The following CDC14A variants were observed in gnomAD, a reference collection of about 807,000 sequenced individuals.
The protein encoded by CDC14A is dual specificity protein phosphatase CDC14A.
In CDC14A, 53 loss-of-function variants were observed where a neutral mutation model predicts 74.4. The observed-to-expected ratio is 0.71, with a 90% confidence interval of 0.57 to 0.89. The LOEUF is 0.89. Ranked by LOEUF, CDC14A falls within the 40% of genes least tolerant of loss-of-function variation. CDC14A has a pLI of 0.00. For synonymous variants in CDC14A, 247 were observed against 258.4 expected (o/e 0.96, Z 0.43); for missense variants, 646 against 713.7 (o/e 0.91, Z 1.08).
At position 100,352,848 on chromosome 1, in the gene CDC14A, G is replaced by T. The variant is rs1442419604; in HGVS notation, c.-107G>T. ...GCTGCCTCCCTCGGCCAGGCTTGTT[G>T]TTCGGGACTGTGAGCTTCCTGGCTC... On this transcript the variant is annotated 5_prime_UTR_variant, in exon 1 of 16. Transcript: ENST00000336454. 1 of 1,578,358 alleles carries T rather than the reference G, an allele frequency of 6.3e-7. No homozygotes were observed. The highest frequency in any genetic ancestry group is 1.4e-5 in the African/African-American group (1 of 73,432).
chr1:100,484,485 A>T (rs1250046657), intron 11 of CDC14A, 34 bp downstream of exon 11: 1 of 1,568,036 alleles, frequency 6.4e-7, no homozygotes, highest in Admixed American at 1.9e-5. Context: ...ATCTTCTTAA[A>T]ACTGATGTTC....
intron 15 of CDC14A, among the ~76,000 whole-genome samples, chr1:100,516,541 A>G (rs111985156): frequency 1.1e-3 from 164 of 152,298 alleles, no homozygotes; most frequent in African/African-American, 3.7e-3. Context: ...TCAAGAAAGC[A>G]CTAGCTGAGC....
chr1:100,495,958 G>A (rs566049617), intron 12 of CDC14A, 44 bp from the exon 13 acceptor site: 27 of 1,553,388 alleles, frequency 1.7e-5, no homozygotes, highest in South Asian at 2.2e-5. Flanking sequence ...TTGTGAAAAC[G>A]TGTGCCCTGG....
intron 11 of CDC14A, among the ~76,000 whole-genome samples, chr1:100,486,633 T>C (rs1670041267): frequency 6.6e-6 from 1 of 152,214 alleles, no homozygotes; most frequent in African/African-American, 2.4e-5. Context: ...CTTAATGCCA[T>C]CACCTTGTGG....
At chr1:100,474,235 T>C (rs1668670436) in intron 10 of CDC14A, among the ~76,000 whole-genome samples, 2 of 152,216 alleles carry the variant, frequency 1.3e-5, no homozygotes, top group Non-Finnish European at 2.9e-5. Flanking sequence ...TATATATTGC[T>C]GAACTCTGTT....
chr1:100,359,192 G>C (rs145032773), intron 2 of CDC14A, among the ~76,000 whole-genome samples: 1 of 152,336 alleles, frequency 6.6e-6, no homozygotes, highest in East Asian at 1.9e-4. Context: ...GTATAGCCCT[G>C]TGCCAGGCAG....
chr1:100,379,699 T>A (rs1476789690), intron 3 of CDC14A, among the ~76,000 whole-genome samples: 1 of 152,214 alleles, frequency 6.6e-6, no homozygotes, highest in Non-Finnish European at 1.5e-5. Flanking sequence ...AGGTAATTTA[T>A]AAAGAAAAGA....
At chr1:100,471,313 TGGA>T in intron 10 of CDC14A, among the ~76,000 whole-genome samples, 1 of 152,168 alleles carries the variant, frequency 6.6e-6, no homozygotes, top group South Asian at 2.1e-4. Context: ...TCTAGAGTGT[TGGA>T]AATGTTCTGT....
At chr1:100,452,125 T>C (rs768521389) in intron 7 of CDC14A, among the ~76,000 whole-genome samples, 7 of 152,242 alleles carry the variant, frequency 4.6e-5, no homozygotes, top group Non-Finnish European at 8.8e-5. Flanking sequence ...GTAGGTTTGT[T>C]ACAGTAGTAA....
At chr1:100,389,324 T>G (rs141683437) in intron 3 of CDC14A, among the ~76,000 whole-genome samples, 2,298 of 151,036 alleles carry the variant, frequency 0.015, 62 homozygotes, top group African/African-American at 0.053. Flanking sequence ...CGGGCGTGGT[T>G]GTGGGTGCCT....
intron 2 of CDC14A, among the ~76,000 whole-genome samples, chr1:100,377,287 G>GC (rs28361202): frequency 8.5e-5 from 13 of 152,230 alleles, no homozygotes; most frequent in African/African-American, 2.9e-4. Flanking sequence ...CAGTCTGCCT[G>GC]CCCCAGCCTC....
intron 12 of CDC14A, among the ~76,000 whole-genome samples, chr1:100,495,303 T>G (rs1647613238): frequency 6.6e-6 from 1 of 152,224 alleles, no homozygotes; most frequent in African/African-American, 2.4e-5. Flanking sequence ...ATAAAAGTAT[T>G]GTATGCCAGT....
Position 100,466,887 on chromosome 1 carries a change from A to AT in CDC14A, c.839-1069_839-1068insT, listed in dbSNP as rs1261928881. Reference sequence around the variant, plus strand: ...CTCGGTCTCCAAAAAAAAAAAAAAAAAAAGAAGGGTTAATGGGAAGGAAAT... The same window carrying AT: ...CTCGGTCTCCAAAAAAAAAAAAAAAATAAAGAAGGGTTAATGGGAAGGAAAT... On this transcript the variant is annotated intron_variant, in intron 9 of 15. Transcript: ENST00000336454. 4.0e-3 allele frequency among the ~76,000 whole-genome samples: 606 copies of AT among 151,720 alleles called. 6 individuals are homozygous for AT. The highest frequency in any genetic ancestry group is 0.014 in the African/African-American group (579 of 41,308).
chr1:100,404,264 G>A (rs1237204184), intron 4 of CDC14A, among the ~76,000 whole-genome samples: 1 of 151,758 alleles, frequency 6.6e-6, no homozygotes, highest in African/African-American at 2.4e-5. Flanking sequence ...GATTTTTAGT[G>A]TTCAAAATAG....
At chr1:100,444,200 T>C (rs1665278941) in intron 7 of CDC14A, among the ~76,000 whole-genome samples, 1 of 152,222 alleles carries the variant, frequency 6.6e-6, no homozygotes, top group South Asian at 2.1e-4. Flanking sequence ...TTCGGATCAC[T>C]TCTACTGGTG....
At chr1:100,412,479 T>C (rs904060866) in intron 4 of CDC14A, among the ~76,000 whole-genome samples, 4 of 148,710 alleles carry the variant, frequency 2.7e-5, no homozygotes, top group African/African-American at 1.0e-4. Context: ...AGCTCTCTGT[T>C]TTTCTCCTTT....
intron 15 of CDC14A, among the ~76,000 whole-genome samples, chr1:100,500,586 C>A (rs185187396): frequency 2.6e-5 from 4 of 151,626 alleles, no homozygotes; most frequent in Non-Finnish European, 5.9e-5. Flanking sequence ...GGTGAAACCC[C>A]GTCTCTACAA....
chr1:100,459,126 CAGAGAG>C (rs112078644), intron 8 of CDC14A, among the ~76,000 whole-genome samples: 33 of 144,654 alleles, frequency 2.3e-4, no homozygotes, highest in African/African-American at 2.8e-4. Flanking sequence ...CACACACACA[CAGAGAG>C]AGAGAGAGAG....
intron 4 of CDC14A, among the ~76,000 whole-genome samples, chr1:100,398,911 C>A (rs1658897866): frequency 6.6e-6 from 1 of 151,910 alleles, no homozygotes; most frequent in South Asian, 2.1e-4. Flanking sequence ...AACCATCAGA[C>A]AGGGAGAATA....
Sources: allele counts gnomAD v4.1 joint callset (sites outside exome capture counted in the v4.1 genomes callset), GRCh38; gene constraint gnomAD v4.1.1; transcripts MANE v1.5; gene names NCBI Gene and HGNC (gene_info 2026-07-23, HGNC 2026-07-21).